Variants in TANK observed in about 807,000 individuals in gnomAD.
The protein encoded by TANK is TRAF family member-associated NF-kappa-B activator.
TANK carries 15 observed loss-of-function variants against 43.6 expected under a neutral mutation model. The ratio of observed to expected loss-of-function variants is 0.34; its 90% confidence interval spans 0.23 to 0.53. The LOEUF is 0.53. Ranked by LOEUF, TANK falls within the 20% of genes least tolerant of loss-of-function variation. The pLI, the probability that TANK is intolerant of heterozygous loss-of-function variation, is 0.94. For missense variants in TANK, 417 were observed against 498.6 expected (o/e 0.84, Z 1.56); for synonymous variants, 162 against 178.2 (o/e 0.91, Z 0.73).
chr2:161,146,852 G>A (rs996497708), intron 1 of TANK, among the ~76,000 whole-genome samples: 1 of 152,200 alleles, frequency 6.6e-6, no homozygotes, highest in East Asian at 1.9e-4. Context: ...CTATCCCTTG[G>A]TGGAGGGGGT....
At chr2:161,138,620 G>A (rs1683654895) in intron 1 of TANK, among the ~76,000 whole-genome samples, 1 of 152,120 alleles carries the variant, frequency 6.6e-6, no homozygotes, top group African/African-American at 2.4e-5. Flanking sequence ...GTTAGCTTCA[G>A]AGCCGGAAGA....
In TANK at chr2:161,203,499, G is replaced by T; in HGVS notation, c.112G>T (p.Glu38Ter). The change falls in exon 3 of 8, where the codon GAG (glutamate) becomes TAG (stop). Residue 38 changes from glutamate (E) to a stop codon, truncating the protein, a stop_gained. Coordinates refer to ENST00000392749, the MANE Select transcript of TANK (RefSeq NM_001199135.3). LOFTEE classifies it high-confidence loss of function. ...TTTATGTCAGCAGACTGAGAACTATGAGCAGAGAATACGTGAACAACAGGA... is the reference window on the plus strand; with the variant it reads ...TTTATGTCAGCAGACTGAGAACTATTAGCAGAGAATACGTGAACAACAGGA... The part of the protein sequence containing the change: ...KELQQKTENY[E>*]QRIREQQEQL... 6.2e-7 allele frequency: 1 copy of T among 1,610,332 alleles called. No individual in the cohort carries two copies. The highest frequency in any genetic ancestry group is 1.1e-5 in the South Asian group (1 of 90,310).
intron 2 of TANK, among the ~76,000 whole-genome samples, chr2:161,196,538 A>T (rs1465066398): frequency 1.3e-5 from 2 of 152,194 alleles, no homozygotes; most frequent in Admixed American, 6.5e-5. Context: ...TCTACTGGGA[A>T]ATCTTAATAA....
At chr2:161,149,699 G>GT (rs952968266) in intron 1 of TANK, among the ~76,000 whole-genome samples, 2 of 149,214 alleles carry the variant, frequency 1.3e-5, no homozygotes, top group Admixed American at 1.3e-4. Flanking sequence ...AAGGGTGTTG[G>GT]TTTTTTTCAA....
At position 161,201,322 on chromosome 2, in the gene TANK, G is replaced by A. The variant is rs947990913; in HGVS notation, c.100-2165G>A. ...TTATTGTAATATCTTATATGCAGAT[G>A]TGCTAAAGTATGTTTTTTAAGCCAG... On this transcript the variant is annotated intron_variant, in intron 2 of 7. Coordinates refer to ENST00000392749, the MANE Select transcript of TANK (RefSeq NM_001199135.3). The A allele has an allele frequency of 4.1e-5, 36 of 880,048 alleles. No individual in the cohort carries two copies. In the African/African-American group the frequency reaches 6.5e-4, roughly 16 times the overall value. The allele number at this position is 880,048 out of a possible 1,614,324, so 54.5% of individuals were successfully genotyped here. A position where few individuals can be genotyped will look rare whatever the true frequency, so the allele number is the denominator to read the frequency against.
Position 161,224,738 on chromosome 2 carries a change from C to A in TANK, c.512C>A (p.Thr171Asn). ...DHLSKLNIPD[T>N]ATETQCSVPI... ...TTAAGCAAACTTAATATACCAGACA[C>A]TGCAACTGGTAAGATTTAATTTAAT... Residue 171 changes from threonine to asparagine, a missense_variant, in exon 6 of 8, where the codon ACT becomes AAT. By Grantham distance (65) the Thr-to-Asn change is moderately conservative. Transcript: ENST00000392749. The A allele has an allele frequency of 2.0e-6, 3 of 1,506,534 alleles. No homozygotes were observed. Among genetic ancestry groups the A allele is most frequent in the Admixed American group, 2.1e-5 (1 of 48,508 alleles). 93.3% of individuals were successfully genotyped at this position (1,506,534 alleles called of 1,614,324 possible).
At chr2:161,152,450 A>G (rs1275163333) in intron 1 of TANK, among the ~76,000 whole-genome samples, 1 of 152,060 alleles carries the variant, frequency 6.6e-6, no homozygotes, top group Non-Finnish European at 1.5e-5. Flanking sequence ...CTAGCACTTT[A>G]TATATGTCAT....
At chr2:161,212,575 A>G in intron 4 of TANK, 1 of 985,188 alleles carries the variant, frequency 1.0e-6, no homozygotes, top group African/African-American at 1.7e-5. Context: ...AGAAAAGAAA[A>G]TAAGAAGTGA....
Position 161,235,740 on chromosome 2 carries a change from T to A in TANK, c.*222T>A, listed in dbSNP as rs55986630. The A allele has an allele frequency of 8.1e-6, 3 of 370,960 alleles. No homozygotes were observed. The highest frequency in any genetic ancestry group is 5.5e-5 in the South Asian group (1 of 18,242). 23.0% of individuals were successfully genotyped at this position (370,960 alleles called of 1,614,324 possible). ...CCTAAAAGAAGAAAAACAAAAAAAA[T>A]TCTGTATAAAACTGTAATCCTTTGT... On this transcript the variant is annotated 3_prime_UTR_variant, in exon 8 of 8. Coordinates refer to ENST00000392749, the MANE Select transcript of TANK (RefSeq NM_001199135.3).
At chr2:161,189,142 A>G (rs1685800583) in intron 2 of TANK, among the ~76,000 whole-genome samples, 2 of 152,212 alleles carry the variant, frequency 1.3e-5, no homozygotes, top group Admixed American at 1.3e-4. Flanking sequence ...CCTCAACAAA[A>G]CACTAGCAAA....
intron 6 of TANK, among the ~76,000 whole-genome samples, chr2:161,228,227 A>G (rs1334144828): frequency 1.3e-5 from 2 of 152,216 alleles, no homozygotes; most frequent in African/African-American, 4.8e-5. Flanking sequence ...TAAGATTATA[A>G]TGGTACTTAA....
chr2:161,218,152 C>G (rs1687200593), intron 4 of TANK, among the ~76,000 whole-genome samples: 1 of 152,118 alleles, frequency 6.6e-6, no homozygotes, highest in South Asian at 2.1e-4. Context: ...TACGATACAT[C>G]CTTGAGAACG....
intron 4 of TANK, among the ~76,000 whole-genome samples, chr2:161,210,905 C>CT (rs1241985637): frequency 1.3e-5 from 2 of 152,078 alleles, no homozygotes; most frequent in Non-Finnish European, 2.9e-5. Context: ...GTTAAATTTT[C>CT]TACAAGACTT....
intron 1 of TANK, among the ~76,000 whole-genome samples, chr2:161,174,510 C>T (rs1163449031): frequency 6.6e-6 from 1 of 152,116 alleles, no homozygotes; most frequent in African/African-American, 2.4e-5. Flanking sequence ...GACAAAGCAG[C>T]TACTGTTTTT....
intron 1 of TANK, among the ~76,000 whole-genome samples, chr2:161,147,593 GCCACCGCA>G (rs1490969079): frequency 1.3e-5 from 2 of 152,192 alleles, no homozygotes; most frequent in Admixed American, 6.5e-5. Context: ...TCTCAGGTGG[GCCACCGCA>G]CCATAATGGT....
chr2:161,221,513 C>T (rs560764203), intron 4 of TANK, among the ~76,000 whole-genome samples: 2 of 152,128 alleles, frequency 1.3e-5, no homozygotes, highest in East Asian at 3.9e-4. Context: ...TTGAAGTTGC[C>T]ATTGATTATA....
Position 161,170,813 on chromosome 2 carries a change from C to G in TANK, c.-49-8801C>G, listed in dbSNP as rs1684909859. ...GGTTAAATGACTTGTTTACTCTCACCCATCACCAAGCCTGTCTAGACTGGA... is the reference window on the plus strand; with the variant it reads ...GGTTAAATGACTTGTTTACTCTCACGCATCACCAAGCCTGTCTAGACTGGA... On this transcript the variant is annotated intron_variant, in intron 1 of 7. Transcript: ENST00000392749. 3.3e-5 allele frequency among the ~76,000 whole-genome samples: 5 copies of G among 152,254 alleles called. No homozygotes were observed. The South Asian group carries it at 1.0e-3, about 32-fold the overall frequency.
intron 4 of TANK, among the ~76,000 whole-genome samples, chr2:161,211,445 TA>T (rs555667439): frequency 2.1e-4 from 32 of 152,326 alleles, no homozygotes; most frequent in African/African-American, 7.7e-4. Context: ...GTTGTCCAGG[TA>T]CCTGGTTTTA....
At chr2:161,204,204 A>G (rs1686546321) in intron 3 of TANK, among the ~76,000 whole-genome samples, 1 of 152,228 alleles carries the variant, frequency 6.6e-6, no homozygotes, top group Admixed American at 6.5e-5. Context: ...GAATTCTGAT[A>G]GAATATATAA....
Sources: allele counts gnomAD v4.1 joint callset (sites outside exome capture counted in the v4.1 genomes callset), GRCh38; gene constraint gnomAD v4.1.1; transcripts MANE v1.5; gene names NCBI Gene and HGNC (gene_info 2026-07-23, HGNC 2026-07-21).